The following PCDHGA12 variants were observed in gnomAD, a reference collection of about 807,000 sequenced individuals.
The protein encoded by PCDHGA12 is protocadherin gamma subfamily A, 12.
A neutral mutation model predicts 61.1 loss-of-function variants in PCDHGA12; 43 were observed. That is an observed-to-expected ratio of 0.70 (90% CI 0.55 to 0.91). The LOEUF is 0.91. Among genes scored for constraint, PCDHGA12 ranks in the 40% least tolerant of loss-of-function variants. PCDHGA12 has a pLI of 0.00. For missense variants in PCDHGA12, 1,236 were observed against 1,227.7 expected, an observed-to-expected ratio of 1.01 and a Z score of -0.10; for synonymous variants, 520 against 542.9, an observed-to-expected ratio of 0.96 and a Z score of 0.59.
At position 141,511,211 on chromosome 5, in the gene PCDHGA12, C is replaced by G; in HGVS notation, c.*38C>G. ...GCCAAGAGCCACAGGGCGGCCTCTC[C>G]CCAACCAGCCCAGCTTCTCCTTACC... On this transcript the variant is annotated 3_prime_UTR_variant, in exon 4 of 4. Transcript: ENST00000252085. The G allele has an allele frequency of 6.2e-7, 1 of 1,608,626 alleles. No individual in the cohort carries two copies. The highest frequency in any genetic ancestry group is 8.5e-7 in the Non-Finnish European group (1 of 1,177,476).
chr5:141,446,578 GTGAT>G (rs2098507706), intron 1 of PCDHGA12, among the ~76,000 whole-genome samples: 1 of 152,064 alleles, frequency 6.6e-6, no homozygotes, highest in African/African-American at 2.4e-5. Context: ...CCAGGTTCAA[GTGAT>G]TCTTCTGCCT....
At position 141,511,148 on chromosome 5, in the gene PCDHGA12, A is replaced by C; in HGVS notation, c.2774A>C (p.Lys925Thr). Residue 925 changes from lysine to threonine, a missense_variant, in exon 4 of 4, where the codon AAG (lysine) becomes ACG (threonine). Coordinates refer to ENST00000252085, the MANE Select transcript of PCDHGA12 (RefSeq NM_003735.3). ...APAGGNGNKKKSGKKEKK is the reference protein window; with the variant it reads ...APAGGNGNKKTSGKKEKK ...GCAGGTGGCAATGGCAACAAGAAGA[A>C]GTCGGGCAAGAAGGAGAAGAAGTAA... is the stretch of plus-strand genomic sequence containing the variant. The C allele has an allele frequency of 6.2e-7, 1 of 1,614,202 alleles. No individual in the cohort carries two copies. Among genetic ancestry groups the C allele is most frequent in the East Asian group, 2.2e-5 (1 of 44,882 alleles).
Position 141,432,110 on chromosome 5 carries a change from G to T in PCDHGA12, c.1351G>T (p.Val451Phe), listed in dbSNP as rs768038692. The T allele has an allele frequency of 6.2e-7, 1 of 1,614,108 alleles. No homozygotes were observed. Among genetic ancestry groups the T allele is most frequent in the Non-Finnish European group, 8.5e-7 (1 of 1,180,036 alleles). Reference protein sequence around the residue: ...NVADTNDNPPVFPQASYSAYI... With the variant: ...NVADTNDNPPFFPQASYSAYI... ...GGCAGACACCAACGACAACCCGCCG[G>T]TCTTCCCTCAGGCCTCCTATTCCGC... Residue 451 changes from valine (V) to phenylalanine (F), a missense_variant, in exon 1 of 4, where the codon GTC (valine) becomes TTC (phenylalanine). By Grantham distance (50) the Val-to-Phe change is conservative. Coordinates refer to ENST00000252085, the MANE Select transcript of PCDHGA12 (RefSeq NM_003735.3). The surrounding 1 kb of genome is among the most constrained non-coding windows in gnomAD (Gnocchi z 6.0).
At chr5:141,483,179 G>C (rs2099577971) in intron 1 of PCDHGA12, among the ~76,000 whole-genome samples, 2 of 152,294 alleles carry the variant, frequency 1.3e-5, no homozygotes, top group African/African-American at 4.8e-5. Flanking sequence ...TTTGGGCCAA[G>C]CCAAGGAGTT....
intron 2 of PCDHGA12, among the ~76,000 whole-genome samples, chr5:141,497,809 G>A (rs1256990692): frequency 1.3e-5 from 2 of 152,190 alleles, no homozygotes. Context: ...CAAAGTGCTA[G>A]AATTACAGGT....
intron 1 of PCDHGA12, among the ~76,000 whole-genome samples, chr5:141,455,243 A>G (rs945218710): frequency 1.3e-5 from 2 of 152,146 alleles, no homozygotes; most frequent in Non-Finnish European, 2.9e-5. Flanking sequence ...GTTAAAGGTC[A>G]TAGTACAATC....
intron 1 of PCDHGA12, among the ~76,000 whole-genome samples, chr5:141,456,818 G>A (rs1214373156): frequency 1.3e-5 from 2 of 151,890 alleles, no homozygotes; most frequent in Admixed American, 6.6e-5. Context: ...CAAAAAATTA[G>A]CCATCGTGGT....
chr5:141,451,739 G>A (rs1343538104), intron 1 of PCDHGA12, among the ~76,000 whole-genome samples: 1 of 152,082 alleles, frequency 6.6e-6, no homozygotes, highest in East Asian at 1.9e-4. Flanking sequence ...AAAATTAGCT[G>A]GTCTGGTGGT....
intron 1 of PCDHGA12, 175 bp downstream of exon 1, chr5:141,433,358 CCTATCTATCTAT>C (rs3074541): frequency 0.01 from 5,256 of 504,010 alleles, 38 homozygotes; most frequent in Non-Finnish European, 0.014. Flanking sequence ...CTACTGTCTG[CCTATCTATCTAT>C]CTATCTATCT....
At chr5:141,465,826 T>A (rs1402342209) in intron 1 of PCDHGA12, among the ~76,000 whole-genome samples, 1 of 151,994 alleles carries the variant, frequency 6.6e-6, no homozygotes, top group Non-Finnish European at 1.5e-5. Context: ...CACATTTGTT[T>A]AAAATTTCAA....
chr5:141,503,910 G>A (rs1311674998), intron 2 of PCDHGA12, among the ~76,000 whole-genome samples: 1 of 152,062 alleles, frequency 6.6e-6, no homozygotes, highest in Admixed American at 6.6e-5. Flanking sequence ...CACACACAAC[G>A]CAACACACAC....
rs759576434 is a variant in PCDHGA12 at position 141,432,109 on chromosome 5, G to C, written c.1350G>C (p.Pro450=). ...LNVADTNDNP[P]VFPQASYSAY... is the part of the protein sequence containing the mutation. Reference sequence around the variant, plus strand: ...TGGCAGACACCAACGACAACCCGCCGGTCTTCCCTCAGGCCTCCTATTCCG... The same window carrying C: ...TGGCAGACACCAACGACAACCCGCCCGTCTTCCCTCAGGCCTCCTATTCCG... Residue 450 remains proline (P), a synonymous_variant, in exon 1 of 4, where the codon CCG becomes CCC. Transcript: ENST00000252085. The surrounding 1 kb of genome is among the most constrained non-coding windows in gnomAD (Gnocchi z 6.0). 9 of 1,613,972 alleles carry C rather than the reference G, an allele frequency of 5.6e-6. No homozygotes were observed. In the African/African-American group the frequency reaches 9.3e-5, roughly 17 times the overall value.
intron 1 of PCDHGA12, chr5:141,441,697 C>T: frequency 6.5e-6 from 2 of 307,306 alleles, no homozygotes; most frequent in Non-Finnish European, 1.3e-5. Flanking sequence ...CAGCCGCGAG[C>T]CTTCAAGCTC....
chr5:141,505,883 T>C (rs1225759976), intron 3 of PCDHGA12, among the ~76,000 whole-genome samples: 1 of 152,118 alleles, frequency 6.6e-6, no homozygotes, highest in East Asian at 1.9e-4. Flanking sequence ...GTTGTAGAGA[T>C]TAAATGAGAT....
At chr5:141,480,873 C>T (rs1026513782) in intron 1 of PCDHGA12, among the ~76,000 whole-genome samples, 5 of 152,050 alleles carry the variant, frequency 3.3e-5, no homozygotes, top group Non-Finnish European at 7.4e-5. Context: ...GGTGAAACCC[C>T]GTCTCTACTA....
chr5:141,446,988 C>T (rs548721486), intron 1 of PCDHGA12, among the ~76,000 whole-genome samples: 1 of 152,154 alleles, frequency 6.6e-6, no homozygotes, highest in Non-Finnish European at 1.5e-5. Flanking sequence ...TCATACTCCA[C>T]TCTTCAGACT....
intron 3 of PCDHGA12, among the ~76,000 whole-genome samples, chr5:141,508,533 C>A (rs1396219805): frequency 6.6e-6 from 1 of 152,160 alleles, no homozygotes; most frequent in Non-Finnish European, 1.5e-5. Flanking sequence ...CAGGGCACCC[C>A]CCACGAGGTG....
chr5:141,431,719 A>G lies in PCDHGA12; in HGVS notation c.960A>G (p.Gln320=). The change falls in exon 1 of 4, where the codon CAA becomes CAG. Residue 320 remains glutamine, a synonymous_variant. Transcript: ENST00000252085. This position sits in a 1 kb window ranked among gnomAD's most constrained non-coding sequence, Gnocchi z 4.8. ...EESGFYQMEV[Q]AMDNAGYSAR... ...CAGGATTCTACCAGATGGAAGTGCA[A>G]GCAATGGATAATGCAGGATATTCTG... 6.2e-7 allele frequency: 1 copy of G among 1,614,244 alleles called. No individual in the cohort carries two copies. Among genetic ancestry groups the G allele is most frequent in the Non-Finnish European group, 8.5e-7 (1 of 1,180,050 alleles).
chr5:141,470,652 C>T (rs923672818), intron 1 of PCDHGA12, among the ~76,000 whole-genome samples: 1 of 152,100 alleles, frequency 6.6e-6, no homozygotes, highest in African/African-American at 2.4e-5. Context: ...AAGGCCCCTA[C>T]CCTTTGGTTA....
Sources: allele counts gnomAD v4.1 joint callset (sites outside exome capture counted in the v4.1 genomes callset), GRCh38; gene constraint gnomAD v4.1.1; non-coding constraint Gnocchi (gnomAD v3.1); transcripts MANE v1.5; gene names NCBI Gene and HGNC (gene_info 2026-07-23, HGNC 2026-07-21).